The following VCPKMT variants were observed in gnomAD, a reference collection of about 807,000 sequenced individuals.
VCPKMT encodes the protein protein N-lysine methyltransferase METTL21D.
VCPKMT carries 32 observed loss-of-function variants against 28.6 expected under a neutral mutation model. That is an observed-to-expected ratio of 1.12 (90% CI 0.84 to 1.50). The LOEUF (loss-of-function observed/expected upper bound fraction) is 1.50. Among genes scored for constraint, VCPKMT ranks in the 40% most tolerant of loss-of-function variants. The pLI is 0.00. For synonymous variants in VCPKMT, 138 were observed against 111.4 expected (o/e 1.24, Z -1.50); for missense variants, 366 against 285.0 (o/e 1.28, Z -2.05).
At chr14:50,104,397 C>T (rs1448712110), downstream of VCPKMT, among the ~76,000 whole-genome samples, 1 of 152,110 alleles carries the variant, frequency 6.6e-6, no homozygotes, top group Non-Finnish European at 1.5e-5. Flanking sequence ...TATTGCTTTC[C>T]TACCCAATAT....
intron 5 of VCPKMT, 51 bp from the exon 6 acceptor site, chr14:50,109,764 T>A: frequency 6.4e-7 from 1 of 1,567,654 alleles, no homozygotes; most frequent in Non-Finnish European, 8.7e-7. Flanking sequence ...ACAAACTATT[T>A]ACTGGGTATT....
At chr14:50,105,685 T>G (rs1313704831), downstream of VCPKMT, among the ~76,000 whole-genome samples, 2 of 152,102 alleles carry the variant, frequency 1.3e-5, no homozygotes, top group African/African-American at 4.8e-5. Context: ...ACCAAACATA[T>G]GATCCATGGA....
Position 50,111,719 on chromosome 14 carries a change from AC to A in VCPKMT, c.675+895del, listed in dbSNP as rs1365405050. 1.1e-5 allele frequency: 8 copies of A among 728,580 alleles called. No homozygotes were observed. In the East Asian group the frequency reaches 9.2e-4, roughly 84 times the overall value. 45.1% of individuals were successfully genotyped at this position (728,580 alleles called of 1,614,324 possible). Reference sequence around the variant, plus strand: ...ATGGCAAAACCCTGTCTCAACAACAACAAAAAAAATACAAAAATTAGCTGGG... The same window carrying A: ...ATGGCAAAACCCTGTCTCAACAACAAAAAAAAAATACAAAAATTAGCTGGG... On this transcript the variant is annotated intron_variant, in intron 5 of 5. Transcript: ENST00000395860.
In VCPKMT at chr14:50,116,273, C is replaced by T. The variant is rs2139452478; in HGVS notation, c.266+14G>A. ...GAAGGCGCCCCCACATCCCGCCCGC[C>T]CGCCAGCTCTTACCCGAGGGTAGCA... On this transcript the variant is annotated intron_variant, in intron 1 of 5. Transcript: ENST00000395860. The T allele has an allele frequency of 1.2e-6, 2 of 1,605,332 alleles. No individual in the cohort carries two copies. Among genetic ancestry groups the T allele is most frequent in the East Asian group, 2.2e-5 (1 of 44,470 alleles).
downstream of VCPKMT, among the ~76,000 whole-genome samples, chr14:50,107,803 T>C (rs1882384699): frequency 1.3e-5 from 2 of 152,114 alleles, no homozygotes; most frequent in South Asian, 4.1e-4. Flanking sequence ...TCCAGGAAAT[T>C]AGTGAAGTTT....
chr14:50,108,670 T>C lies in VCPKMT; in HGVS notation c.*1029A>G, dbSNP rs557398335. The C allele has an allele frequency of 4.1e-6, 4 of 985,896 alleles. No homozygotes were observed. The highest frequency in any genetic ancestry group is 4.8e-6 in the Non-Finnish European group (4 of 829,946). 61.1% of individuals were successfully genotyped at this position (985,896 alleles called of 1,614,324 possible). On this transcript the variant is annotated 3_prime_UTR_variant, in exon 6 of 6. Coordinates refer to ENST00000395860, the MANE Select transcript of VCPKMT (RefSeq NM_024558.3). ...ACAATGTTTATTTTAACACATAAAA[T>C]GTACCATCTAGCACCAATGCCTATA...
the VCPKMT span, among the ~76,000 whole-genome samples, chr14:50,103,466 C>T: frequency 2.6e-5 from 4 of 152,184 alleles, no homozygotes; most frequent in Admixed American, 6.5e-5. Context: ...TAATGGCCTG[C>T]TACCCATCTG....
At position 50,108,820 on chromosome 14, in the gene VCPKMT, T is replaced by A. The variant is rs1778290211; in HGVS notation, c.*879A>T. The A allele has an allele frequency of 1.0e-6, 1 of 985,400 alleles. No homozygotes were observed. Among genetic ancestry groups the A allele is most frequent in the Admixed American group, 6.2e-5 (1 of 16,260 alleles). The allele number at this position is 985,400 out of a possible 1,614,324, so 61.0% of individuals were successfully genotyped here. A position where few individuals can be genotyped will look rare whatever the true frequency, so the allele number is the denominator to read the frequency against. On this transcript the variant is annotated 3_prime_UTR_variant, in exon 6 of 6. Coordinates refer to ENST00000395860, the MANE Select transcript of VCPKMT (RefSeq NM_024558.3). ...AGAGAGACACAGAACAGAAATTCAT[T>A]TGGTATATACATATAGAACTACATT...
In VCPKMT at chr14:50,116,410, A is replaced by T. The variant is rs1259243207; in HGVS notation, c.143T>A (p.Val48Asp). ...GGGCGTTTCCAGGTATTTAGAAAGGACAATGGCAGCGTCCCACACAACGCA... is the reference window on the plus strand; with the variant it reads ...GGGCGTTTCCAGGTATTTAGAAAGGTCAATGGCAGCGTCCCACACAACGCA... ...VGCVVWDAAI[V>D]LSKYLETPEF... The change falls in exon 1 of 6, where the codon GTC becomes GAC. Residue 48 changes from valine (V) to aspartate (D), a missense_variant. By Grantham distance (152) the Val-to-Asp change is radical. Transcript: ENST00000395860. 6.2e-7 allele frequency: 1 copy of T among 1,614,002 alleles called. No individual in the cohort carries two copies. The highest frequency in any genetic ancestry group is 1.7e-5 in the Admixed American group (1 of 60,022).
rs779573977 is a variant in VCPKMT at position 50,109,737 on chromosome 14, T to TA, written c.676-25dup. On this transcript the variant is annotated intron_variant, in intron 5 of 5. Transcript: ENST00000395860. The stretch of plus-strand genomic sequence containing the variant: ...TTCTATAACAAAAAAAAAGGAAACT[T>TA]AAAAGATTGATTTACCACAAACTAT... 3.8e-6 allele frequency: 6 copies of TA among 1,592,338 alleles called. No homozygotes were observed. In the Middle Eastern group the frequency reaches 5.3e-4, roughly 140 times the overall value.
downstream of VCPKMT, chr14:50,106,470 C>T (rs1444814397): frequency 4.7e-6 from 4 of 852,886 alleles, no homozygotes; most frequent in East Asian, 1.2e-4. Context: ...TTTTAAACCA[C>T]GTCGTCCCCT....
rs1198885448 is a variant in VCPKMT, at chr14:50,116,113, G to A, written c.333C>T (p.Asn111=). ...GAACAGAACCAGTGACAAGATGCTT[G>A]TTCATATTAATATTCATCTTCAGCA... ...QDLLKMNINM[N]KHLVTGSVQA... Residue 111 remains asparagine (N), a synonymous_variant, in exon 2 of 6, where the codon AAC becomes AAT. Coordinates refer to ENST00000395860, the MANE Select transcript of VCPKMT (RefSeq NM_024558.3). 1.2e-6 allele frequency: 2 copies of A among 1,614,002 alleles called. No homozygotes were observed. The highest frequency in any genetic ancestry group is 1.7e-6 in the Non-Finnish European group (2 of 1,179,988).
intron 3 of VCPKMT, among the ~76,000 whole-genome samples, chr14:50,114,862 A>T (rs1026295460): frequency 1.3e-5 from 2 of 152,118 alleles, no homozygotes; most frequent in Non-Finnish European, 2.9e-5. Flanking sequence ...AAACAAAAAC[A>T]AACAAACAAA....
Position 50,109,717 on chromosome 14 carries a change from T to C in VCPKMT, c.676-4A>G. ...AAAGGCTTCACGATGGAAATTTCTA[T>C]AACAAAAAAAAAGGAAACTTAAAAG... On this transcript the variant is annotated splice_polypyrimidine_tract_variant and splice_region_variant and intron_variant, in intron 5 of 5. Coordinates refer to ENST00000395860, the MANE Select transcript of VCPKMT (RefSeq NM_024558.3). The C allele has an allele frequency of 6.3e-7, 1 of 1,597,358 alleles. No individual in the cohort carries two copies. Among genetic ancestry groups the C allele is most frequent in the Non-Finnish European group, 8.5e-7 (1 of 1,172,634 alleles).
chr14:50,113,595 G>C (rs1882855876), intron 4 of VCPKMT: 1 of 97,204 alleles, frequency 1.0e-5, no homozygotes, highest in Admixed American at 1.3e-4. Context: ...AACTATTTCA[G>C]ACAAAAAGTT....
At chr14:50,115,717 G>T in intron 3 of VCPKMT, 122 bp downstream of exon 3, 1 of 1,114,988 alleles carries the variant, frequency 9.0e-7, no homozygotes. Flanking sequence ...TCTCTTTACT[G>T]CATCAACTAT....
chr14:50,113,888 C>T (rs1594941324), intron 4 of VCPKMT, among the ~76,000 whole-genome samples: 1 of 131,156 alleles, frequency 7.6e-6, no homozygotes, highest in Non-Finnish European at 1.7e-5. Context: ...TGCACTCCGG[C>T]ATGGGCTACA....
chr14:50,104,693 GA>G (rs752691243), downstream of VCPKMT, among the ~76,000 whole-genome samples: 4,218 of 87,196 alleles, frequency 0.048, 171 homozygotes, highest in African/African-American at 0.15. Context: ...TTACTCTATT[GA>G]AAAAAAAAAA....
chr14:50,111,543 C>T (rs930897753), intron 5 of VCPKMT: 7 of 985,368 alleles, frequency 7.1e-6, no homozygotes, highest in South Asian at 9.4e-5. Flanking sequence ...CATCTCCCTG[C>T]CTTACACTAG....
Sources: gnomAD v4.1 joint callset for allele counts (sites outside exome capture counted in the v4.1 genomes callset) on GRCh38, gnomAD v4.1.1 for gene constraint, MANE v1.5 for transcripts, NCBI Gene and HGNC (gene_info 2026-07-23, HGNC 2026-07-21) for gene names.